The following TLCD4 variants were observed in gnomAD, a reference collection of about 807,000 sequenced individuals.
The protein encoded by TLCD4 is TLC domain containing 4, also known as TLC domain-containing protein 4.
A neutral mutation model predicts 24.2 loss-of-function variants in TLCD4; 7 were observed. The ratio of observed to expected loss-of-function variants is 0.29; its 90% CI spans 0.16 to 0.54. TLCD4 has a LOEUF of 0.54. Among genes scored for constraint, TLCD4 ranks in the 20% least tolerant of loss-of-function variants. TLCD4 has a pLI of 0.95. For missense variants in TLCD4, 259 were observed against 313.9 expected (o/e 0.82, Z 1.32); for synonymous variants, 103 against 106.4 (o/e 0.97, Z 0.20).
At chr1:95,102,984 A>AT in the TLCD4 span, among the ~76,000 whole-genome samples, 12 of 134,324 alleles carry the variant, frequency 8.9e-5, no homozygotes, top group Middle Eastern at 4.0e-3. Flanking sequence ...TTAAAAAAAA[A>AT]ATTTTTTTTT....
chr1:95,124,940 A>G (rs1021422487), intron 1 of TLCD4, among the ~76,000 whole-genome samples: 5 of 152,208 alleles, frequency 3.3e-5, no homozygotes. Flanking sequence ...GTTAGAAAGG[A>G]TTAGAGCCAC....
intron 6 of TLCD4, among the ~76,000 whole-genome samples, chr1:95,181,583 A>G (rs2101008406): frequency 6.7e-6 from 1 of 148,938 alleles, no homozygotes; most frequent in Non-Finnish European, 1.5e-5. Flanking sequence ...TTGTTTAATT[A>G]TTTATTTATT....
chr1:95,095,082 G>A, the TLCD4 span, among the ~76,000 whole-genome samples: 1 of 152,182 alleles, frequency 6.6e-6, no homozygotes, highest in Non-Finnish European at 1.5e-5. Flanking sequence ...TAGGATCTGT[G>A]AAGGTTAAAT....
chr1:95,131,240 A>T (rs1676882593), intron 1 of TLCD4, among the ~76,000 whole-genome samples: 1 of 152,106 alleles, frequency 6.6e-6, no homozygotes, highest in Admixed American at 6.5e-5. Context: ...GAGGGCAGGT[A>T]ATGGGGGAAT....
At chr1:95,122,307 C>T (rs1045653941) in intron 1 of TLCD4, among the ~76,000 whole-genome samples, 13 of 152,278 alleles carry the variant, frequency 8.5e-5, no homozygotes, top group Middle Eastern at 3.4e-3. Flanking sequence ...TGTAGTGAGC[C>T]GAGATTGTGT....
intron 5 of TLCD4, among the ~76,000 whole-genome samples, chr1:95,169,306 A>G (rs534099289): frequency 2.0e-5 from 3 of 152,356 alleles, no homozygotes; most frequent in Non-Finnish European, 2.9e-5. Context: ...GGCTAGAAGT[A>G]CTAGAACTAA....
chr1:95,128,891 A>T lies in TLCD4; in HGVS notation c.-12+11274A>T, dbSNP rs536572039. Among the ~76,000 whole-genome samples the T allele has an allele frequency of 2.6e-5, 4 of 152,330 alleles. No individual in the cohort carries two copies. The East Asian group carries it at 7.7e-4, about 29-fold the overall frequency. On this transcript the variant is annotated intron_variant, in intron 1 of 6. Coordinates refer to ENST00000370203, the MANE Select transcript of TLCD4 (RefSeq NM_152487.3). ...AAGATAGGATTATGACAGGAAAAGA[A>T]AAGTCTTAGATTAAAGAAATGTGTA... is the stretch of plus-strand genomic sequence containing the variant.
chr1:95,190,318 GTTTCT>G (rs111246052), intron 6 of TLCD4, among the ~76,000 whole-genome samples: 52,444 of 150,062 alleles, frequency 0.35, 10,541 homozygotes, highest in Middle Eastern at 0.53. Context: ...GGCCACATTG[GTTTCT>G]TTTCTTTTCT....
intron 6 of TLCD4, among the ~76,000 whole-genome samples, chr1:95,186,332 T>C (rs577803967): frequency 5.4e-4 from 82 of 152,340 alleles, no homozygotes; most frequent in African/African-American, 1.8e-3. Flanking sequence ...CACGTCATTC[T>C]GTATTGCCTA....
Position 95,182,621 on chromosome 1 carries a change from A to C in TLCD4, c.473+8732A>C, listed in dbSNP as rs569731873. 2.6e-5 allele frequency among the ~76,000 whole-genome samples: 4 copies of C among 152,302 alleles called. No homozygotes were observed. The South Asian group carries it at 6.2e-4, about 24-fold the overall frequency. On this transcript the variant is annotated intron_variant, in intron 6 of 6. Transcript: ENST00000370203. The stretch of plus-strand genomic sequence containing the variant: ...TGCTAAGATGCCAACAGTTTTATTT[A>C]CTAGCACTTTACACTATCAGTATAG...
intron 1 of TLCD4, among the ~76,000 whole-genome samples, chr1:95,136,051 T>A (rs555203510): frequency 8.6e-4 from 130 of 151,968 alleles, no homozygotes; most frequent in African/African-American, 2.8e-3. Flanking sequence ...TTTTTTTTTT[T>A]ATTTTTTTTT....
intron 5 of TLCD4, among the ~76,000 whole-genome samples, chr1:95,173,124 T>G (rs1019637049): frequency 2.0e-5 from 3 of 152,212 alleles, no homozygotes; most frequent in Non-Finnish European, 4.4e-5. Context: ...ACAAACATGG[T>G]GGCATGTGTT....
chr1:95,127,434 G>C (rs2100909919), intron 1 of TLCD4, among the ~76,000 whole-genome samples: 1 of 152,302 alleles, frequency 6.6e-6, no homozygotes, highest in Non-Finnish European at 1.5e-5. Context: ...TTCCTAGGTA[G>C]CTTGGCGGTG....
chr1:95,092,681 C>T, the TLCD4 span, among the ~76,000 whole-genome samples: 83,628 of 151,722 alleles, frequency 0.55, 23,698 homozygotes, highest in Non-Finnish European at 0.59. Context: ...TGAACACATC[C>T]GAACATCAGA....
intron 1 of TLCD4, among the ~76,000 whole-genome samples, chr1:95,132,174 G>C (rs746686663): frequency 6.6e-6 from 1 of 152,190 alleles, no homozygotes; most frequent in Non-Finnish European, 1.5e-5. Flanking sequence ...TACAGTCCCA[G>C]ATGGGCGTGG....
At chr1:95,191,027 A>G (rs1424176725) in intron 6 of TLCD4, among the ~76,000 whole-genome samples, 4 of 152,116 alleles carry the variant, frequency 2.6e-5, no homozygotes, top group Non-Finnish European at 4.4e-5. Flanking sequence ...TTGGTGTTGT[A>G]TCTAAAATAG....
At chr1:95,180,610 T>G (rs1678603626) in intron 6 of TLCD4, among the ~76,000 whole-genome samples, 2 of 152,250 alleles carry the variant, frequency 1.3e-5, no homozygotes, top group African/African-American at 4.8e-5. Context: ...TGGGCTTCAG[T>G]GAAATTTCTG....
intron 1 of TLCD4, among the ~76,000 whole-genome samples, chr1:95,131,567 A>G (rs1215453919): frequency 3.9e-5 from 6 of 152,340 alleles, no homozygotes; most frequent in African/African-American, 1.4e-4. Context: ...GGAGCCCTCC[A>G]ATTTGTTCTT....
At chr1:95,161,021 A>G (rs950751174) in intron 5 of TLCD4, among the ~76,000 whole-genome samples, 42 of 152,330 alleles carry the variant, frequency 2.8e-4, no homozygotes, top group Middle Eastern at 3.4e-3. Context: ...GCCTCATAAA[A>G]TAAGTTAGAG....
Sources: gnomAD v4.1 joint callset for allele counts (sites outside exome capture counted in the v4.1 genomes callset) on GRCh38, gnomAD v4.1.1 for gene constraint, MANE v1.5 for transcripts, NCBI Gene and HGNC (gene_info 2026-07-23, HGNC 2026-07-21) for gene names.